The following PRKAG2 variants were observed in gnomAD, a reference collection of about 807,000 sequenced individuals.
PRKAG2 encodes the protein 5'-AMP-activated protein kinase subunit gamma-2.
A neutral mutation model predicts 69.6 loss-of-function variants in PRKAG2; 26 were observed. The ratio of observed to expected loss-of-function variants is 0.37; its 90% confidence interval spans 0.27 to 0.52. The LOEUF (loss-of-function observed/expected upper bound fraction) is 0.52, where lower values mean the gene tolerates loss of function less well. Among genes scored for constraint, PRKAG2 ranks in the 20% least tolerant of loss-of-function variants. The probability of loss-of-function intolerance (pLI) is 0.90; values close to 1 mark genes in which losing one functional copy is unlikely to be tolerated. For synonymous variants in PRKAG2, 293 were observed against 285.0 expected, an observed-to-expected ratio of 1.03 and a Z score of -0.28; for missense variants, 557 against 740.0, an observed-to-expected ratio of 0.75 and a Z score of 2.87.
chr7:151,700,265 C>T (rs778375869), intron 3 of PRKAG2, among the ~76,000 whole-genome samples: 3 of 152,148 alleles, frequency 2.0e-5, no homozygotes, highest in South Asian at 2.1e-4. Flanking sequence ...ACAGTGAACA[C>T]GACAGAGAAG....
At chr7:151,846,039 C>T (rs994880249) in intron 1 of PRKAG2, among the ~76,000 whole-genome samples, 4 of 152,192 alleles carry the variant, frequency 2.6e-5, no homozygotes, top group Non-Finnish European at 5.9e-5. Flanking sequence ...GCCAGACCTC[C>T]CGGCCTGATC....
chr7:151,871,356 A>G (rs1456047375), intron 1 of PRKAG2, among the ~76,000 whole-genome samples: 1 of 152,256 alleles, frequency 6.6e-6, no homozygotes, highest in Admixed American at 6.5e-5. Context: ...GCAGGGAGCC[A>G]AGGCGGGATG....
At chr7:151,692,826 C>G (rs1369184342) in intron 3 of PRKAG2, among the ~76,000 whole-genome samples, 1 of 152,108 alleles carries the variant, frequency 6.6e-6, no homozygotes, top group Non-Finnish European at 1.5e-5. Context: ...TCCCTCTGGC[C>G]CAAAGGTCAT....
At chr7:151,558,306 A>G (rs1323113850) in intron 15 of PRKAG2, 1 of 985,382 alleles carries the variant, frequency 1.0e-6, no homozygotes, top group Non-Finnish European at 1.2e-6. Flanking sequence ...CAGACACTTC[A>G]TCAAACTGCC....
intron 4 of PRKAG2, among the ~76,000 whole-genome samples, chr7:151,666,709 G>A (rs1831095136): frequency 6.6e-6 from 1 of 152,140 alleles, no homozygotes; most frequent in Admixed American, 6.5e-5. Flanking sequence ...GATGGCTGTT[G>A]GCAAGGGGCC....
chr7:151,874,327 G>T (rs1405926483), intron 1 of PRKAG2, among the ~76,000 whole-genome samples: 1 of 109,098 alleles, frequency 9.2e-6, no homozygotes, highest in Admixed American at 1.0e-4. Flanking sequence ...TGATGTATAT[G>T]TATATGATGT....
intron 1 of PRKAG2, among the ~76,000 whole-genome samples, chr7:151,834,743 C>T (rs763742366): frequency 2.6e-5 from 4 of 152,186 alleles, no homozygotes; most frequent in South Asian, 2.1e-4. Context: ...AGGGCTACGG[C>T]GCAGTGCCGC....
chr7:151,723,378 C>T (rs79491777), intron 3 of PRKAG2, among the ~76,000 whole-genome samples: 3,250 of 152,260 alleles, frequency 0.021, 89 homozygotes, highest in African/African-American at 0.067. Flanking sequence ...CGCATTCGAG[C>T]TAGACTTTTG....
chr7:151,563,719 A>G (rs2078527836), intron 14 of PRKAG2, among the ~76,000 whole-genome samples: 1 of 152,216 alleles, frequency 6.6e-6, no homozygotes, highest in African/African-American at 2.4e-5. Flanking sequence ...AGCTATGACT[A>G]CAGGTCCAAG....
intron 3 of PRKAG2, among the ~76,000 whole-genome samples, chr7:151,691,456 A>T (rs1398771040): frequency 6.7e-6 from 1 of 148,740 alleles, no homozygotes; most frequent in Admixed American, 6.9e-5. Flanking sequence ...CTCAAAACTC[A>T]GTAACAACAA....
At position 151,758,630 on chromosome 7, in the gene PRKAG2, C is replaced by T. The variant is rs534743036; in HGVS notation, c.466+22522G>A. On this transcript the variant is annotated intron_variant, in intron 3 of 15. Coordinates refer to ENST00000287878, the MANE Select transcript of PRKAG2 (RefSeq NM_016203.4). ...CCCATGTTGGGTGACCATCAGTGTA[C>T]CCCAAAGGTTCCAAACCCCGAAGGC... 2.0e-5 allele frequency among the ~76,000 whole-genome samples: 3 copies of T among 152,236 alleles called. No individual in the cohort carries two copies. In the South Asian group the frequency reaches 6.2e-4, roughly 32 times the overall value.
chr7:151,819,188 G>A (rs922172925), intron 1 of PRKAG2, among the ~76,000 whole-genome samples: 4 of 152,228 alleles, frequency 2.6e-5, no homozygotes, highest in Middle Eastern at 3.4e-3. Flanking sequence ...CTCCACCTCC[G>A]AGGACCCAGC....
intron 3 of PRKAG2, among the ~76,000 whole-genome samples, chr7:151,727,333 G>A (rs922471439): frequency 1.3e-5 from 2 of 152,190 alleles, no homozygotes; most frequent in Non-Finnish European, 2.9e-5. Flanking sequence ...AGGGCCCTAC[G>A]CCCCTCCAGG....
In PRKAG2 at chr7:151,808,345, T is replaced by C. The variant is rs143939937; in HGVS notation, c.115-21804A>G. ...TTGCAATTGCACAAGGATTTACTTA[T>C]CTCTCTTCATGGGTGAAACTGATTT... is the stretch of plus-strand genomic sequence containing the variant. On this transcript the variant is annotated intron_variant, in intron 1 of 15. Coordinates refer to ENST00000287878, the MANE Select transcript of PRKAG2 (RefSeq NM_016203.4). Among the ~76,000 whole-genome samples, 370 of 152,262 alleles carry C rather than the reference T, an allele frequency of 2.4e-3. 1 individual carries two copies. Among genetic ancestry groups the C allele is most frequent in the Non-Finnish European group, 4.0e-3 (275 of 68,026 alleles).
intron 3 of PRKAG2, among the ~76,000 whole-genome samples, chr7:151,709,282 ATGTATGGTAC>A (rs1839150742): frequency 7.0e-6 from 1 of 143,750 alleles, no homozygotes; most frequent in South Asian, 2.3e-4. Flanking sequence ...ACGATGAGGG[ATGTATGGTAC>A]TGTATGACAT....
chr7:151,741,674 C>CAA (rs33969514), intron 3 of PRKAG2, among the ~76,000 whole-genome samples: 4 of 126,606 alleles, frequency 3.2e-5, no homozygotes, highest in Non-Finnish European at 7.2e-5. Flanking sequence ...AACTCTGTCT[C>CAA]AAAAAAAAAA....
At chr7:151,636,687 C>A (rs968573268) in intron 4 of PRKAG2, among the ~76,000 whole-genome samples, 20 of 151,080 alleles carry the variant, frequency 1.3e-4, no homozygotes, top group African/African-American at 4.9e-4. Flanking sequence ...CAGGGTAACC[C>A]TATGTTTAAT....
chr7:151,846,709 G>A (rs1328931495), intron 1 of PRKAG2, among the ~76,000 whole-genome samples: 2 of 152,152 alleles, frequency 1.3e-5, no homozygotes, highest in African/African-American at 2.4e-5. Flanking sequence ...TGTAGATAAA[G>A]TGAGTATTCT....
intron 1 of PRKAG2, among the ~76,000 whole-genome samples, chr7:151,820,707 C>T (rs1341919120): frequency 6.6e-6 from 1 of 152,250 alleles, no homozygotes; most frequent in Non-Finnish European, 1.5e-5. Flanking sequence ...CCAGTCAAGG[C>T]AAGAGCTCCT....
Sources: allele counts gnomAD v4.1 joint callset (sites outside exome capture counted in the v4.1 genomes callset), GRCh38; gene constraint gnomAD v4.1.1; transcripts MANE v1.5; gene names NCBI Gene and HGNC (gene_info 2026-07-23, HGNC 2026-07-21).